The following DLGAP1 variants were observed in gnomAD, a reference collection of about 807,000 sequenced individuals.
The protein encoded by DLGAP1 is disks large-associated protein 1.
DLGAP1 carries 11 observed loss-of-function variants against 90.8 expected under a neutral mutation model. That is an observed-to-expected ratio of 0.12 (90% CI 0.08 to 0.20). The LOEUF is 0.20. Among genes scored for constraint, DLGAP1 ranks in the 10% least tolerant of loss-of-function variants. The pLI, the probability that DLGAP1 is intolerant of heterozygous loss-of-function variation, is 1.00. For missense variants in DLGAP1, 1,050 were observed against 1,333.8 expected (o/e 0.79, Z 3.31); for synonymous variants, 558 against 540.7 (o/e 1.03, Z -0.44).
At chr18:4,115,727 G>A (rs2076053258) in intron 2 of DLGAP1, among the ~76,000 whole-genome samples, 2 of 152,246 alleles carry the variant, frequency 1.3e-5, no homozygotes, top group East Asian at 3.9e-4. Flanking sequence ...ACCTCCCAAA[G>A]TGCTGGGATT....
chr18:3,690,983 C>A (rs2060873982), intron 7 of DLGAP1, among the ~76,000 whole-genome samples: 2 of 152,264 alleles, frequency 1.3e-5, no homozygotes, highest in South Asian at 4.1e-4. Flanking sequence ...GCCTGCCATG[C>A]AAAACAGTAT....
intron 2 of DLGAP1, among the ~76,000 whole-genome samples, chr18:4,013,076 G>C (rs2074456468): frequency 1.3e-5 from 2 of 152,104 alleles, no homozygotes; most frequent in Admixed American, 6.6e-5. Flanking sequence ...GTAATATTAA[G>C]TTGTAGTTTC....
chr18:3,687,837 T>C (rs1249165406), intron 7 of DLGAP1, among the ~76,000 whole-genome samples: 4 of 151,840 alleles, frequency 2.6e-5, no homozygotes, highest in Admixed American at 6.6e-5. Flanking sequence ...ACCTATAACA[T>C]TGAAAGAGAA....
At chr18:3,816,051 A>AATCAAC (rs1198351082) in intron 4 of DLGAP1, among the ~76,000 whole-genome samples, 16 of 152,188 alleles carry the variant, frequency 1.1e-4, no homozygotes, top group African/African-American at 3.9e-4. Flanking sequence ...TTATCCATTA[A>AATCAAC]AATAACATGG....
chr18:3,967,193 G>C (rs1239104724), intron 3 of DLGAP1, among the ~76,000 whole-genome samples: 1 of 152,212 alleles, frequency 6.6e-6, no homozygotes, highest in Non-Finnish European at 1.5e-5. Flanking sequence ...ACATTGTAGA[G>C]GGCATTCCAT....
chr18:3,637,015 G>A (rs558076994), intron 7 of DLGAP1, among the ~76,000 whole-genome samples: 1 of 152,034 alleles, frequency 6.6e-6, no homozygotes, highest in East Asian at 1.9e-4. Flanking sequence ...TAGCCACTGC[G>A]CCCGGCCACT....
chr18:4,193,509 T>C (rs1007559166), intron 1 of DLGAP1, among the ~76,000 whole-genome samples: 3 of 152,172 alleles, frequency 2.0e-5, no homozygotes, highest in African/African-American at 7.2e-5. Flanking sequence ...AGTCAAATGC[T>C]AGGCTGCCAC....
intron 7 of DLGAP1, among the ~76,000 whole-genome samples, chr18:3,616,406 G>T (rs533599817): frequency 5.9e-5 from 9 of 152,090 alleles, no homozygotes; most frequent in African/African-American, 2.2e-4. Context: ...GTGGTCTGAG[G>T]GCGATAGTTT....
intron 4 of DLGAP1, among the ~76,000 whole-genome samples, chr18:3,832,235 C>T (rs531857923): frequency 6.6e-6 from 1 of 152,328 alleles, no homozygotes; most frequent in African/African-American, 2.4e-5. Context: ...CACAAGCACA[C>T]TTCATATTCA....
intron 7 of DLGAP1, among the ~76,000 whole-genome samples, chr18:3,625,276 T>C (rs1417218091): frequency 1.3e-5 from 2 of 152,206 alleles, no homozygotes; most frequent in Non-Finnish European, 2.9e-5. Flanking sequence ...CCAAGATCTC[T>C]GTGCAGTTGC....
chr18:3,982,995 A>G (rs879466443), intron 3 of DLGAP1: 1 of 152,230 alleles, frequency 6.6e-6, no homozygotes, highest in African/African-American at 2.4e-5. Context: ...GAATTATAAT[A>G]ACATATCAGG....
chr18:3,705,995 T>TTTTTC (rs386386897), intron 7 of DLGAP1, among the ~76,000 whole-genome samples: 1 of 148,148 alleles, frequency 6.8e-6, no homozygotes, highest in African/African-American at 2.5e-5. Flanking sequence ...TTTTTTTTTT[T>TTTTTC]TTGAGATGGA....
At chr18:3,623,775 TCAAA>T (rs1162501870) in intron 7 of DLGAP1, among the ~76,000 whole-genome samples, 1 of 17,932 alleles carries the variant, frequency 5.6e-5, no homozygotes, top group Non-Finnish European at 1.3e-4. Context: ...AGACTCCGTC[TCAAA>T]AAAAAAAAAA....
At chr18:3,851,876 A>G (rs986594699) in intron 4 of DLGAP1, among the ~76,000 whole-genome samples, 2 of 152,180 alleles carry the variant, frequency 1.3e-5, no homozygotes, top group Admixed American at 6.5e-5. Context: ...AAGAAATGAG[A>G]AGAAAACAGG....
intron 3 of DLGAP1, among the ~76,000 whole-genome samples, chr18:3,886,076 C>T (rs2071304447): frequency 6.6e-6 from 1 of 152,098 alleles, no homozygotes. Flanking sequence ...TTTTTCTTTA[C>T]ATGCAGAAAT....
chr18:3,944,969 C>A (rs2072848705), intron 3 of DLGAP1, among the ~76,000 whole-genome samples: 1 of 152,138 alleles, frequency 6.6e-6, no homozygotes, highest in Admixed American at 6.5e-5. Context: ...ATTGGGTGGC[C>A]TTTTATATTA....
chr18:4,244,707 T>G (rs1447199674), intron 1 of DLGAP1, among the ~76,000 whole-genome samples: 1 of 152,158 alleles, frequency 6.6e-6, no homozygotes, highest in Non-Finnish European at 1.5e-5. Flanking sequence ...AGCCATAAAA[T>G]AGGTAGGATT....
intron 1 of DLGAP1, among the ~76,000 whole-genome samples, chr18:4,243,376 C>T (rs1234138040): frequency 8.4e-6 from 1 of 118,464 alleles, no homozygotes; most frequent in Non-Finnish European, 2.0e-5. Flanking sequence ...CACGGATGGG[C>T]ACAGTCTGAG....
chr18:3,996,829 C>T (rs1021776910), intron 3 of DLGAP1, among the ~76,000 whole-genome samples: 3 of 151,722 alleles, frequency 2.0e-5, no homozygotes, highest in Non-Finnish European at 4.4e-5. Context: ...TTACTTTAGC[C>T]AATGCAAATG....
Sources: allele counts gnomAD v4.1 joint callset (sites outside exome capture counted in the v4.1 genomes callset), GRCh38; gene constraint gnomAD v4.1.1; transcripts MANE v1.5; gene names NCBI Gene and HGNC (gene_info 2026-07-23, HGNC 2026-07-21).